The following SORBS2 variants were observed in gnomAD, a reference collection of about 807,000 sequenced individuals.
SORBS2 encodes the protein sorbin and SH3 domain containing 2.
A neutral mutation model predicts 97.7 loss-of-function variants in SORBS2; 46 were observed. The ratio of observed to expected loss-of-function variants is 0.47; its 90% confidence interval spans 0.37 to 0.60. The LOEUF (loss-of-function observed/expected upper bound fraction) is 0.60, where lower values mean the gene tolerates loss of function less well. Ranked by LOEUF, SORBS2 falls within the 20% of genes least tolerant of loss-of-function variation. SORBS2 has a pLI of 0.00. For synonymous variants in SORBS2, 476 were observed against 473.4 expected (o/e 1.01, Z -0.07); for missense variants, 1,316 against 1,282.3 (o/e 1.03, Z -0.40).
chr4:185,704,329 AT>A (rs1275206585), intron 2 of SORBS2, among the ~76,000 whole-genome samples: 1 of 151,842 alleles, frequency 6.6e-6, no homozygotes, highest in Non-Finnish European at 1.5e-5. Context: ...TTATTTATTT[AT>A]TTTTTTGAAA....
rs201700661 is a variant in SORBS2 at position 185,786,150 on chromosome 4, G to GT, written c.-337-10785dup. 2.7e-3 allele frequency among the ~76,000 whole-genome samples: 406 copies of GT among 151,152 alleles called. 1 individual carries two copies. The highest frequency in any genetic ancestry group is 8.9e-3 in the African/African-American group (366 of 41,188). ...TCACATTCAAAGTTTTATGTTTTGG[G>GT]TTTTTTTTTCTATTTTAATTTTAAA... On this transcript the variant is annotated intron_variant, in intron 1 of 20. Coordinates refer to the SORBS2 transcript ENST00000284776.
chr4:185,892,872 A>C (rs1453857549), intron 1 of SORBS2, among the ~76,000 whole-genome samples: 1 of 152,206 alleles, frequency 6.6e-6, no homozygotes, highest in East Asian at 1.9e-4. Context: ...ATGTGAATAC[A>C]CTTAAGGCCT....
intron 1 of SORBS2, among the ~76,000 whole-genome samples, chr4:185,890,936 T>C (rs1421662091): frequency 2.0e-5 from 3 of 150,872 alleles, no homozygotes; most frequent in Non-Finnish European, 4.4e-5. Context: ...TATACAGAGC[T>C]GATAGTAAAT....
chr4:185,913,128 C>T (rs796072345), intron 1 of SORBS2, among the ~76,000 whole-genome samples: 4 of 152,266 alleles, frequency 2.6e-5, no homozygotes, highest in African/African-American at 9.6e-5. Context: ...TTTAAAAATG[C>T]ACAAGGATGT....
chr4:185,670,435 T>C (rs147937040), intron 4 of SORBS2, among the ~76,000 whole-genome samples: 1 of 152,120 alleles, frequency 6.6e-6, no homozygotes, highest in Non-Finnish European at 1.5e-5. Context: ...GGCCCTGAGG[T>C]CAAGGATCCT....
At chr4:185,706,524 C>T (rs2098343583) in intron 2 of SORBS2, among the ~76,000 whole-genome samples, 1 of 151,896 alleles carries the variant, frequency 6.6e-6, no homozygotes, top group Admixed American at 6.6e-5. Flanking sequence ...ATGTACATCC[C>T]CCTCCCTCCT....
chr4:185,865,555 G>A (rs900288753), intron 1 of SORBS2, among the ~76,000 whole-genome samples: 2 of 151,608 alleles, frequency 1.3e-5, no homozygotes, highest in South Asian at 2.1e-4. Flanking sequence ...AGGCTTTAAC[G>A]GGTATTAAGT....
intron 12 of SORBS2, among the ~76,000 whole-genome samples, chr4:185,594,361 C>T (rs2096033441): frequency 6.6e-6 from 1 of 152,154 alleles, no homozygotes; most frequent in Non-Finnish European, 1.5e-5. Flanking sequence ...GCAAAGTATC[C>T]ACACTCATTC....
chr4:185,759,635 A>G (rs1033446460), intron 2 of SORBS2, among the ~76,000 whole-genome samples: 1 of 151,600 alleles, frequency 6.6e-6, no homozygotes, highest in African/African-American at 2.4e-5. Flanking sequence ...TTTCTGTTAC[A>G]GTTTTAAAAG....
intron 1 of SORBS2, among the ~76,000 whole-genome samples, chr4:185,939,756 C>T (rs774720624): frequency 1.3e-5 from 2 of 152,012 alleles, no homozygotes; most frequent in East Asian, 1.9e-4. Flanking sequence ...GTGATCTGCC[C>T]GCCTCGGCCT....
intron 1 of SORBS2, 132 bp from the exon 10 acceptor site, chr4:185,652,860 C>T (rs955716647): frequency 2.8e-6 from 2 of 714,554 alleles, no homozygotes. Flanking sequence ...TGACTCTTTG[C>T]TATGGCTTCA....
At chr4:185,614,559 C>G (rs1283405492) in intron 11 of SORBS2, 2 of 402,388 alleles carry the variant, frequency 5.0e-6, no homozygotes, top group South Asian at 4.3e-5. Context: ...ATGTATAAGT[C>G]CTTGATTTTC....
At chr4:185,843,631 A>T (rs548105491) in intron 1 of SORBS2, among the ~76,000 whole-genome samples, 1 of 152,024 alleles carries the variant, frequency 6.6e-6, no homozygotes, top group Non-Finnish European at 1.5e-5. Flanking sequence ...ATCTAACAAG[A>T]TACATGTAAG....
intron 1 of SORBS2, among the ~76,000 whole-genome samples, chr4:185,896,585 A>AAAAT (rs1323937391): frequency 9.2e-5 from 14 of 152,248 alleles, no homozygotes; most frequent in African/African-American, 3.4e-4. Context: ...GCTCTGTCTC[A>AAAAT]AAATAAATAA....
intron 1 of SORBS2, among the ~76,000 whole-genome samples, chr4:185,816,521 G>T (rs2099193344): frequency 6.6e-6 from 1 of 152,182 alleles, no homozygotes; most frequent in Non-Finnish European, 1.5e-5. Flanking sequence ...ACATTGATGG[G>T]AAATGTGACA....
chr4:185,744,722 A>G (rs1196879092), intron 2 of SORBS2, among the ~76,000 whole-genome samples: 1 of 152,224 alleles, frequency 6.6e-6, no homozygotes, highest in African/African-American at 2.4e-5. Flanking sequence ...AAATGGTCCA[A>G]CATTCAGAGA....
chr4:185,615,727 A>G (rs1255476339), intron 9 of SORBS2, among the ~76,000 whole-genome samples: 1 of 152,230 alleles, frequency 6.6e-6, no homozygotes, highest in African/African-American at 2.4e-5. Flanking sequence ...TTTGTGTAAC[A>G]GAAAAGATCT....
intron 2 of SORBS2, among the ~76,000 whole-genome samples, chr4:185,744,566 T>G (rs1208220788): frequency 1.3e-5 from 2 of 152,258 alleles, no homozygotes; most frequent in Admixed American, 1.3e-4. Context: ...AACAATGAAG[T>G]GATGTTATCT....
At chr4:185,879,184 G>T (rs1477196254) in intron 1 of SORBS2, among the ~76,000 whole-genome samples, 16 of 45,798 alleles carry the variant, frequency 3.5e-4, no homozygotes, top group African/African-American at 2.2e-3. Flanking sequence ...CCCACCCCAC[G>T]ACAGGCCCCG....
Sources: gnomAD v4.1 joint callset for allele counts (sites outside exome capture counted in the v4.1 genomes callset) on GRCh38, gnomAD v4.1.1 for gene constraint, MANE v1.5 for transcripts, NCBI Gene and HGNC (gene_info 2026-07-23, HGNC 2026-07-21) for gene names.